SPOCK1: variants seen among roughly 807,000 people sequenced by gnomAD.
SPOCK1 encodes testican-1.
In SPOCK1, 23 loss-of-function variants were observed where a neutral mutation model predicts 55.3. That is an observed-to-expected ratio of 0.42 (90% CI 0.30 to 0.59). The LOEUF (loss-of-function observed/expected upper bound fraction) is 0.59, where lower values mean the gene tolerates loss of function less well. Ranked by LOEUF, SPOCK1 falls within the 20% of genes least tolerant of loss-of-function variation. SPOCK1 has a pLI of 0.22. For synonymous variants in SPOCK1, 226 were observed against 221.0 expected, an observed-to-expected ratio of 1.02 and a Z score of -0.20; for missense variants, 499 against 552.5, an observed-to-expected ratio of 0.90 and a Z score of 0.97.
Position 137,094,750 on chromosome 5 carries a change from T to G in SPOCK1, c.474+17685A>C, listed in dbSNP as rs937670702. Reference sequence around the variant, plus strand: ...TAAAGTTTGCTGAATTGATGGACTCTTCCTTTCACAAAAATTTCTCAGTAG... The same window carrying G: ...TAAAGTTTGCTGAATTGATGGACTCGTCCTTTCACAAAAATTTCTCAGTAG... On this transcript the variant is annotated intron_variant, in intron 5 of 10. Coordinates refer to ENST00000394945, the MANE Select transcript of SPOCK1 (RefSeq NM_004598.4). Among the ~76,000 whole-genome samples the G allele has an allele frequency of 1.3e-5, 2 of 152,230 alleles. 1 individual carries two copies. The highest frequency in any genetic ancestry group is 4.8e-5 in the African/African-American group (2 of 41,466).
chr5:137,407,036 A>C (rs1752114544), intron 2 of SPOCK1, among the ~76,000 whole-genome samples: 1 of 152,230 alleles, frequency 6.6e-6, no homozygotes, highest in Non-Finnish European at 1.5e-5. Context: ...TCTTGCCCTT[A>C]ACCACTGTGA....
intron 2 of SPOCK1, among the ~76,000 whole-genome samples, chr5:137,486,503 T>C (rs776812868): frequency 6.6e-6 from 1 of 152,232 alleles, no homozygotes; most frequent in Non-Finnish European, 1.5e-5. Context: ...ACAGGAATCA[T>C]GTTTGTTTCC....
chr5:137,018,675 C>A (rs1244323049), intron 6 of SPOCK1, among the ~76,000 whole-genome samples: 1 of 152,120 alleles, frequency 6.6e-6, no homozygotes. Flanking sequence ...TTTGCTTTTT[C>A]TCTCCTTATT....
At chr5:137,207,656 A>G (rs1002072879) in intron 3 of SPOCK1, among the ~76,000 whole-genome samples, 1 of 152,134 alleles carries the variant, frequency 6.6e-6, no homozygotes, top group African/African-American at 2.4e-5. Flanking sequence ...ACTCAGGGAC[A>G]AAAGACAGGG....
At chr5:137,039,924 G>T (rs1335204398) in intron 6 of SPOCK1, among the ~76,000 whole-genome samples, 1 of 152,218 alleles carries the variant, frequency 6.6e-6, no homozygotes, top group Non-Finnish European at 1.5e-5. Context: ...AAATATCCCT[G>T]CAGGCAACCC....
At chr5:137,399,235 A>C (rs1467621208) in intron 2 of SPOCK1, among the ~76,000 whole-genome samples, 2 of 152,198 alleles carry the variant, frequency 1.3e-5, no homozygotes, top group East Asian at 3.8e-4. Context: ...CTTAATAACT[A>C]ATACTGAGGA....
chr5:137,271,927 T>C (rs1756972507), intron 2 of SPOCK1, among the ~76,000 whole-genome samples: 1 of 152,198 alleles, frequency 6.6e-6, no homozygotes, highest in Non-Finnish European at 1.5e-5. Flanking sequence ...CCTGAGATAA[T>C]ATTAATACAA....
At chr5:137,109,399 C>T (rs994865710) in intron 5 of SPOCK1, among the ~76,000 whole-genome samples, 11 of 152,138 alleles carry the variant, frequency 7.2e-5, no homozygotes, top group South Asian at 6.2e-4. Flanking sequence ...TTGAGTTATG[C>T]GGACTGGAAT....
chr5:137,474,227 TAAAAGAA>T (rs1753792023), intron 2 of SPOCK1, among the ~76,000 whole-genome samples: 1 of 150,848 alleles, frequency 6.6e-6, no homozygotes. Flanking sequence ...TATGGAAAAA[TAAAAGAA>T]AAAAGAAAAA....
At chr5:137,212,994 T>C (rs1290366147) in intron 3 of SPOCK1, among the ~76,000 whole-genome samples, 1 of 152,116 alleles carries the variant, frequency 6.6e-6, no homozygotes, top group Non-Finnish European at 1.5e-5. Context: ...GTCAAGGCCA[T>C]GAGTCTTGGT....
chr5:137,388,586 T>C lies in SPOCK1; in HGVS notation c.186+109787A>G, dbSNP rs114874233. 7.5e-3 allele frequency among the ~76,000 whole-genome samples: 1,135 copies of C among 152,254 alleles called. 16 individuals are homozygous for C. The highest frequency in any genetic ancestry group is 0.026 in the African/African-American group (1,082 of 41,538). On this transcript the variant is annotated intron_variant, in intron 2 of 10. Coordinates refer to ENST00000394945, the MANE Select transcript of SPOCK1 (RefSeq NM_004598.4). ...TCTCATTGAAGTCCACATGGTATGA[T>C]GGCATGTAGGGCCCCAACCCCAGAG...
At chr5:137,209,833 C>A (rs1233088371) in intron 3 of SPOCK1, among the ~76,000 whole-genome samples, 1 of 152,152 alleles carries the variant, frequency 6.6e-6, no homozygotes, top group Non-Finnish European at 1.5e-5. Context: ...AAATATAAAA[C>A]CACAGGAAGT....
chr5:137,455,430 G>A (rs1300105273), intron 2 of SPOCK1, among the ~76,000 whole-genome samples: 8 of 152,056 alleles, frequency 5.3e-5, no homozygotes, highest in Non-Finnish European at 8.8e-5. Context: ...TCAGAATATC[G>A]AGCATGTCTC....
At position 136,978,116 on chromosome 5, in the gene SPOCK1, G is replaced by T. The variant is rs1393129466; in HGVS notation, c.*538C>A. The T allele has an allele frequency of 7.6e-6, 3 of 395,292 alleles. No individual in the cohort carries two copies. The highest frequency in any genetic ancestry group is 1.3e-5 in the Non-Finnish European group (3 of 224,334). The allele number at this position is 395,292 out of a possible 1,614,324, so 24.5% of individuals were successfully genotyped here. A position where few individuals can be genotyped will look rare whatever the true frequency, so the allele number is the denominator to read the frequency against. On this transcript the variant is annotated 3_prime_UTR_variant, in exon 11 of 11. Transcript: ENST00000394945. ...TTGTTTATAGGAAGCCAGATATAAT[G>T]ATGTGAAAAAAACTAATTTTTAATA...
chr5:137,491,823 C>G (rs778275412), intron 2 of SPOCK1, among the ~76,000 whole-genome samples: 1 of 152,156 alleles, frequency 6.6e-6, no homozygotes, highest in African/African-American at 2.4e-5. Context: ...TGAGGCATGA[C>G]AAGACTTAGG....
intron 2 of SPOCK1, among the ~76,000 whole-genome samples, chr5:137,305,240 G>C (rs1264831934): frequency 6.6e-6 from 1 of 152,158 alleles, no homozygotes; most frequent in Non-Finnish European, 1.5e-5. Context: ...GCATCTAGTG[G>C]TTGTCGGCCA....
intron 2 of SPOCK1, among the ~76,000 whole-genome samples, chr5:137,384,559 C>CATAT (rs1214377405): frequency 1.5e-5 from 2 of 133,052 alleles, no homozygotes; most frequent in African/African-American, 8.1e-5. Flanking sequence ...CATATACATA[C>CATAT]ATACATATAT....
At chr5:137,057,257 C>G (rs944797144) in intron 6 of SPOCK1, among the ~76,000 whole-genome samples, 2 of 152,030 alleles carry the variant, frequency 1.3e-5, no homozygotes, top group Non-Finnish European at 2.9e-5. Context: ...GAGAGGAACA[C>G]AGGGTTTTAC....
intron 5 of SPOCK1, among the ~76,000 whole-genome samples, chr5:137,070,494 A>C (rs965399318): frequency 6.6e-6 from 1 of 152,204 alleles, no homozygotes; most frequent in African/African-American, 2.4e-5. Context: ...ACAGCTGCTG[A>C]ATGACAAAGG....
Sources: gnomAD v4.1 joint callset for allele counts (sites outside exome capture counted in the v4.1 genomes callset) on GRCh38, gnomAD v4.1.1 for gene constraint, MANE v1.5 for transcripts, NCBI Gene and HGNC (gene_info 2026-07-23, HGNC 2026-07-21) for gene names.